PTCHD4: variants seen among roughly 807,000 people sequenced by gnomAD.
The protein encoded by PTCHD4 is patched domain-containing protein 4.
A neutral mutation model predicts 58.1 loss-of-function variants in PTCHD4; 33 were observed. That is an observed-to-expected ratio of 0.57 (90% CI 0.43 to 0.76). The LOEUF is 0.76. Among genes scored for constraint, PTCHD4 ranks in the 30% least tolerant of loss-of-function variants. The probability of loss-of-function intolerance (pLI) is 0.00; values close to 1 mark genes in which losing one functional copy is unlikely to be tolerated. For missense variants in PTCHD4, 1,058 were observed against 1,027.1 expected, an observed-to-expected ratio of 1.03 and a Z score of -0.41; for synonymous variants, 478 against 409.6, an observed-to-expected ratio of 1.17 and a Z score of -2.02.
chr6:47,936,939 G>A (rs945815422), intron 4 of PTCHD4, among the ~76,000 whole-genome samples: 2 of 152,174 alleles, frequency 1.3e-5, no homozygotes, highest in Non-Finnish European at 2.9e-5. Context: ...AATTAAGCTG[G>A]AGAGCATTCT....
chr6:47,922,243 A>G (rs1404305941), intron 4 of PTCHD4, among the ~76,000 whole-genome samples: 1 of 152,184 alleles, frequency 6.6e-6, no homozygotes, highest in Non-Finnish European at 1.5e-5. Context: ...ACTGAACACT[A>G]GTTTTAGGAG....
At chr6:47,908,043 G>A (rs554731541) in intron 4 of PTCHD4, among the ~76,000 whole-genome samples, 8 of 152,246 alleles carry the variant, frequency 5.3e-5, no homozygotes, top group African/African-American at 1.9e-4. Flanking sequence ...AAAGATTTGA[G>A]AAGAGTTACA....
intron 4 of PTCHD4, among the ~76,000 whole-genome samples, chr6:47,888,926 C>T (rs1419856214): frequency 9.8e-5 from 9 of 91,744 alleles, no homozygotes; most frequent in African/African-American, 3.8e-4. Context: ...TTTGTTCTTG[C>T]GATAGTTTAC....
At chr6:48,110,631 CCACA>C (rs367594403) in intron 1 of PTCHD4, among the ~76,000 whole-genome samples, 1,899 of 139,272 alleles carry the variant, frequency 0.014, 30 homozygotes, top group African/African-American at 0.041. Flanking sequence ...GATGGTTTTA[CCACA>C]CACACACACA....
In PTCHD4 at chr6:47,879,224, T is replaced by C. The variant is rs1267263052; in HGVS notation, c.1611A>G (p.Arg537=). ...ACACTGCAGTGAATCCACTACAGAG[T>C]CTTCTTAGGTCATCCTGGACGCTGC... is the stretch of plus-strand genomic sequence containing the variant. The part of the protein sequence containing the change: ...WNSSVQDDLR[R]LCSGFTAVSW... The change falls in exon 5 of 5, where the codon AGA becomes AGG. Residue 537 remains arginine (R), a synonymous_variant. Transcript: ENST00000339488. The C allele has an allele frequency of 6.2e-7, 1 of 1,612,916 alleles. No homozygotes were observed.
intron 4 of PTCHD4, among the ~76,000 whole-genome samples, chr6:47,913,466 T>C (rs1297626373): frequency 6.6e-6 from 1 of 152,132 alleles, no homozygotes; most frequent in Non-Finnish European, 1.5e-5. Flanking sequence ...ATTTATTTTT[T>C]CACTCTGGTA....
intron 4 of PTCHD4, among the ~76,000 whole-genome samples, chr6:47,884,506 C>T (rs1041143553): frequency 5.3e-5 from 8 of 152,226 alleles, no homozygotes; most frequent in African/African-American, 1.7e-4. Flanking sequence ...ACCCCAAAGA[C>T]ACTGGTGGCC....
chr6:47,973,380 G>A (rs550628973), intron 4 of PTCHD4, among the ~76,000 whole-genome samples: 12 of 152,266 alleles, frequency 7.9e-5, no homozygotes, highest in Non-Finnish European at 1.5e-4. Context: ...TTACTTAATG[G>A]AGTCTAAGAA....
intron 4 of PTCHD4, among the ~76,000 whole-genome samples, chr6:47,982,825 A>G (rs1767935106): frequency 6.6e-6 from 1 of 152,124 alleles, no homozygotes; most frequent in Non-Finnish European, 1.5e-5. Context: ...CTAGCACAAC[A>G]CCTAGCAGAT....
In PTCHD4 at chr6:47,942,069, G is replaced by C. The variant is rs766504490; in HGVS notation, c.899-62133C>G. On this transcript the variant is annotated intron_variant, in intron 4 of 4. Transcript: ENST00000339488. ...GAAGCTCCCAAGCCTCAGTATTTCTGTCTATATTATGCAATTTGGCCATTC... is the reference window on the plus strand; with the variant it reads ...GAAGCTCCCAAGCCTCAGTATTTCTCTCTATATTATGCAATTTGGCCATTC... 1.9e-4 allele frequency among the ~76,000 whole-genome samples: 29 copies of C among 152,160 alleles called. 1 individual carries two copies. The highest frequency in any genetic ancestry group is 2.9e-4 in the Non-Finnish European group (20 of 68,010).
intron 3 of PTCHD4, among the ~76,000 whole-genome samples, chr6:48,027,175 T>C (rs760938746): frequency 6.6e-6 from 1 of 152,150 alleles, no homozygotes; most frequent in Non-Finnish European, 1.5e-5. Context: ...CCAAATTAAT[T>C]AATGGAATCC....
chr6:47,879,964 A>C, intron 4 of PTCHD4, 28 bp from the exon 5 acceptor site: 1 of 1,410,406 alleles, frequency 7.1e-7, no homozygotes, highest in Non-Finnish European at 9.4e-7. Flanking sequence ...GAAAATAATA[A>C]TTATTTTTAT....
At chr6:47,977,521 C>A (rs139240974) in intron 4 of PTCHD4, among the ~76,000 whole-genome samples, 1 of 152,160 alleles carries the variant, frequency 6.6e-6, no homozygotes, top group African/African-American at 2.4e-5. Context: ...ACTGAGTGAG[C>A]TTGGAAAGGA....
chr6:47,954,864 A>AT (rs917530212), intron 4 of PTCHD4, among the ~76,000 whole-genome samples: 1 of 152,158 alleles, frequency 6.6e-6, no homozygotes, highest in Admixed American at 6.6e-5. Context: ...ACAGTATGTG[A>AT]TTTTGAGACT....
Position 48,068,399 on chromosome 6 carries a change from C to G in PTCHD4, c.248G>C (p.Ser83Thr), listed in dbSNP as rs1372050871. The change falls in exon 3 of 5, where the codon AGC becomes ACC. Residue 83 changes from serine (S) to threonine (T), a missense_variant. Physicochemically the swap from Ser to Thr is moderately conservative, Grantham distance 58. Coordinates refer to ENST00000339488, the MANE Select transcript of PTCHD4 (RefSeq NM_001384253.1). This position sits in a 1 kb window ranked among gnomAD's most constrained non-coding sequence, Gnocchi z 4.2. ...CAGGGGGAAAAGGCTGCTGGCCAGG[C>G]TGCGCTCGATCTTGGCCAGGCTGTG... Reference protein sequence around the residue: ...PSHSLAKIERSLASSLFPLDQ... With the variant: ...PSHSLAKIERTLASSLFPLDQ... 1.2e-6 allele frequency: 2 copies of G among 1,613,854 alleles called. No individual in the cohort carries two copies. Among genetic ancestry groups the G allele is most frequent in the African/African-American group, 2.7e-5 (2 of 74,916 alleles).
At chr6:48,002,022 C>A (rs1366738180) in intron 4 of PTCHD4, among the ~76,000 whole-genome samples, 1 of 152,204 alleles carries the variant, frequency 6.6e-6, no homozygotes, top group African/African-American at 2.4e-5. Flanking sequence ...TTCATCATCA[C>A]TGGCCATCAG....
chr6:47,938,429 G>T (rs1766093909), intron 4 of PTCHD4, among the ~76,000 whole-genome samples: 1 of 152,142 alleles, frequency 6.6e-6, no homozygotes, highest in South Asian at 2.1e-4. Flanking sequence ...ATAGAAGCCA[G>T]GAAAGAAAAG....
intron 3 of PTCHD4, among the ~76,000 whole-genome samples, chr6:48,063,976 C>T (rs1764712751): frequency 6.6e-6 from 1 of 152,096 alleles, no homozygotes; most frequent in Non-Finnish European, 1.5e-5. Flanking sequence ...CCAAAATGTA[C>T]CCAAAGGAAC....
chr6:48,086,787 T>C (rs1029453509), intron 1 of PTCHD4, among the ~76,000 whole-genome samples: 1 of 152,122 alleles, frequency 6.6e-6, no homozygotes, highest in Non-Finnish European at 1.5e-5. Flanking sequence ...ATCCAATATG[T>C]AGAAAGAAAT....
Sources: gnomAD v4.1 joint callset for allele counts (sites outside exome capture counted in the v4.1 genomes callset) on GRCh38, gnomAD v4.1.1 for gene constraint, Gnocchi (gnomAD v3.1) non-coding constraint, MANE v1.5 for transcripts, NCBI Gene and HGNC (gene_info 2026-07-23, HGNC 2026-07-21) for gene names.